Variants in NRG1 observed in about 807,000 individuals in gnomAD.
The protein encoded by NRG1 is neuregulin 1.
A neutral mutation model predicts 63.8 loss-of-function variants in NRG1; 18 were observed. The observed-to-expected ratio is 0.28, with a 90% CI of 0.19 to 0.42. The LOEUF is 0.42. NRG1 is among the 10% of genes least tolerant of loss of function. The probability of loss-of-function intolerance (pLI) is 1.00; values close to 1 mark genes in which losing one functional copy is unlikely to be tolerated. For missense variants in NRG1, 762 were observed against 814.7 expected, an observed-to-expected ratio of 0.94 and a Z score of 0.79; for synonymous variants, 302 against 301.3, an observed-to-expected ratio of 1.00 and a Z score of -0.02.
At chr8:32,704,428 G>A (rs1815799959) in intron 5 of NRG1, among the ~76,000 whole-genome samples, 1 of 152,152 alleles carries the variant, frequency 6.6e-6, no homozygotes, top group African/African-American at 2.4e-5. Context: ...AAGACTAAGT[G>A]AAACAACTTC....
chr8:32,575,379 G>A (rs1269291382), intron 1 of NRG1, among the ~76,000 whole-genome samples: 1 of 151,596 alleles, frequency 6.6e-6, no homozygotes, highest in Non-Finnish European at 1.5e-5. Context: ...TAGTTCATCG[G>A]CTCTGCTTAT....
At chr8:32,088,262 G>A (rs974920708) in intron 1 of NRG1, among the ~76,000 whole-genome samples, 2 of 152,080 alleles carry the variant, frequency 1.3e-5, no homozygotes, top group Admixed American at 1.3e-4. Flanking sequence ...CATTCTCCAC[G>A]GGACCTTGCG....
Position 32,728,269 on chromosome 8 carries a change from T to C in NRG1, c.632+191T>C, listed in dbSNP as rs1822762578. On this transcript the variant is annotated intron_variant, in intron 6 of 11. Transcript: ENST00000356819. Reference sequence around the variant, plus strand: ...CTCCTCTGTCATATGCAGAATTGTTTTTTGCTCTTTTCAATGTGTGTGAGG... The same window carrying C: ...CTCCTCTGTCATATGCAGAATTGTTCTTTGCTCTTTTCAATGTGTGTGAGG... The C allele has an allele frequency of 3.0e-6, 3 of 985,264 alleles. No individual in the cohort carries two copies. The South Asian group carries it at 1.4e-4, about 46-fold the overall frequency. The allele number at this position is 985,264 out of a possible 1,614,324, so 61.0% of individuals were successfully genotyped here.
At chr8:32,126,796 T>C (rs141168891) in intron 1 of NRG1, among the ~76,000 whole-genome samples, 2 of 152,000 alleles carry the variant, frequency 1.3e-5, no homozygotes, top group Non-Finnish European at 2.9e-5. Context: ...AAATACAAAT[T>C]AGTGTATTTC....
chr8:31,899,846 A>G (rs190913302), intron 1 of NRG1, among the ~76,000 whole-genome samples: 1 of 151,648 alleles, frequency 6.6e-6, no homozygotes, highest in East Asian at 1.9e-4. Context: ...AAAATAAAAG[A>G]AATAGAATGA....
At chr8:32,512,847 A>G (rs1211215138) in intron 1 of NRG1, among the ~76,000 whole-genome samples, 1 of 152,192 alleles carries the variant, frequency 6.6e-6, no homozygotes, top group Non-Finnish European at 1.5e-5. Context: ...ATAAGGATAC[A>G]TCTCTTTTGT....
intron 1 of NRG1, among the ~76,000 whole-genome samples, chr8:31,922,187 T>C (rs1035255434): frequency 3.9e-5 from 6 of 152,208 alleles, no homozygotes; most frequent in African/African-American, 1.2e-4. Context: ...TGTTAACTTA[T>C]ATATAACCAC....
intron 1 of NRG1, among the ~76,000 whole-genome samples, chr8:31,811,472 A>G (rs886707284): frequency 3.9e-5 from 6 of 152,030 alleles, no homozygotes; most frequent in African/African-American, 1.2e-4. Flanking sequence ...CTAAAATATG[A>G]TTTTTTTCCT....
At chr8:31,795,457 A>G (rs1327464089) in intron 1 of NRG1, among the ~76,000 whole-genome samples, 1 of 152,200 alleles carries the variant, frequency 6.6e-6, no homozygotes, top group Non-Finnish European at 1.5e-5. Flanking sequence ...AATTAAGCAG[A>G]TTTCAGACTT....
At chr8:32,195,255 G>A (rs1409899391) in intron 1 of NRG1, among the ~76,000 whole-genome samples, 1 of 151,978 alleles carries the variant, frequency 6.6e-6, no homozygotes, top group East Asian at 1.9e-4. Flanking sequence ...ACAACATGGT[G>A]AGATCCCCTA....
At chr8:32,512,601 C>A (rs571205571) in intron 1 of NRG1, among the ~76,000 whole-genome samples, 134 of 152,232 alleles carry the variant, frequency 8.8e-4, no homozygotes, top group Admixed American at 6.6e-3. Flanking sequence ...TTCCTAGTGC[C>A]TTTTATTGAT....
At chr8:32,053,120 G>C (rs2130827443) in intron 1 of NRG1, among the ~76,000 whole-genome samples, 1 of 152,294 alleles carries the variant, frequency 6.6e-6, no homozygotes, top group African/African-American at 2.4e-5. Flanking sequence ...AGAACTGATT[G>C]ATGCAGATCT....
intron 1 of NRG1, among the ~76,000 whole-genome samples, chr8:31,749,900 C>T (rs559258744): frequency 6.6e-6 from 1 of 151,776 alleles, no homozygotes; most frequent in African/African-American, 2.4e-5. Flanking sequence ...GCCAAGCCAG[C>T]AGTTGTTTAA....
intron 7 of NRG1, among the ~76,000 whole-genome samples, chr8:32,745,956 A>G (rs1470893223): frequency 6.6e-6 from 1 of 152,214 alleles, no homozygotes; most frequent in African/African-American, 2.4e-5. Context: ...GTTTTGAATC[A>G]CAGGTTACTA....
At chr8:31,842,721 T>C (rs1378190072) in intron 1 of NRG1, among the ~76,000 whole-genome samples, 1 of 152,210 alleles carries the variant, frequency 6.6e-6, no homozygotes, top group Non-Finnish European at 1.5e-5. Context: ...CAATATCTAA[T>C]GTGTAATAAA....
intron 1 of NRG1, among the ~76,000 whole-genome samples, chr8:31,694,333 AT>A (rs1441080240): frequency 3.3e-5 from 5 of 152,290 alleles, no homozygotes; most frequent in African/African-American, 1.2e-4. Context: ...TATGACTTTG[AT>A]CTCAGCCCTT....
intron 1 of NRG1, among the ~76,000 whole-genome samples, chr8:32,014,158 C>T (rs940838116): frequency 6.6e-6 from 1 of 152,172 alleles, no homozygotes; most frequent in African/African-American, 2.4e-5. Flanking sequence ...TGGCCATTTT[C>T]ATGATATTGA....
At chr8:32,166,434 C>T (rs1210252609) in intron 1 of NRG1, among the ~76,000 whole-genome samples, 2 of 152,056 alleles carry the variant, frequency 1.3e-5, no homozygotes, top group African/African-American at 4.8e-5. Flanking sequence ...TAATATTATC[C>T]TTGGCTCTAC....
intron 1 of NRG1, among the ~76,000 whole-genome samples, chr8:32,223,056 G>A (rs75377199): frequency 0.019 from 2,950 of 152,104 alleles, 48 homozygotes; most frequent in South Asian, 0.066. Flanking sequence ...TCAATTATCA[G>A]ATAGACAGGA....
Sources: gnomAD v4.1 joint callset for allele counts (sites outside exome capture counted in the v4.1 genomes callset) on GRCh38, gnomAD v4.1.1 for gene constraint, MANE v1.5 for transcripts, NCBI Gene and HGNC (gene_info 2026-07-23, HGNC 2026-07-21) for gene names.